Variants in TEX9 observed in about 807,000 individuals in gnomAD.
TEX9 encodes testis-expressed protein 9.
A neutral mutation model predicts 59.6 loss-of-function variants in TEX9; 74 were observed. That is an observed-to-expected ratio of 1.24 (90% confidence interval 1.03 to 1.51). The LOEUF (loss-of-function observed/expected upper bound fraction) is 1.51, where lower values mean the gene tolerates loss of function less well. Among genes scored for constraint, TEX9 ranks in the 40% most tolerant of loss-of-function variants. The pLI, the probability that TEX9 is intolerant of heterozygous loss-of-function variation, is 0.00. For missense variants in TEX9, 522 were observed against 447.8 expected (o/e 1.17, Z -1.49); for synonymous variants, 186 against 152.2 (o/e 1.22, Z -1.64).
chr15:56,427,196 G>GTA, intron 10 of TEX9, among the ~76,000 whole-genome samples: 1 of 151,990 alleles, frequency 6.6e-6, no homozygotes, highest in East Asian at 1.9e-4. Flanking sequence ...ATCTCAACCA[G>GTA]TATTTCTGCT....
intron 3 of TEX9, among the ~76,000 whole-genome samples, chr15:56,376,833 A>G (rs1025464636): frequency 3.9e-5 from 6 of 152,120 alleles, no homozygotes; most frequent in Admixed American, 1.3e-4. Flanking sequence ...GTCTACTCCA[A>G]TGTCCTGGAG....
At chr15:56,454,959 G>T in the TEX9 span, among the ~76,000 whole-genome samples, 1 of 152,012 alleles carries the variant, frequency 6.6e-6, no homozygotes, top group Non-Finnish European at 1.5e-5. Context: ...CTTGTAGAAC[G>T]CTGTTGAACA....
At chr15:56,374,500 TG>T (rs1281557554) in intron 3 of TEX9, 1 of 152,166 alleles carries the variant, frequency 6.6e-6, no homozygotes, top group East Asian at 1.9e-4. Flanking sequence ...TCATGGAAAA[TG>T]GGGTATCCAT....
At chr15:56,349,888 T>C (rs1410329460) in intron 1 of TEX9, among the ~76,000 whole-genome samples, 2 of 152,088 alleles carry the variant, frequency 1.3e-5, no homozygotes, top group Non-Finnish European at 2.9e-5. Context: ...TACCAGAAGT[T>C]GAACCTCATT....
chr15:56,443,125 T>A (rs1390299564), intron 12 of TEX9, among the ~76,000 whole-genome samples: 3 of 152,180 alleles, frequency 2.0e-5, no homozygotes, highest in Admixed American at 6.5e-5. Context: ...AACCTACTTT[T>A]GACTAGTGTC....
chr15:56,324,286 T>C (rs1170365852), intron 1 of TEX9, among the ~76,000 whole-genome samples: 1 of 152,236 alleles, frequency 6.6e-6, no homozygotes, highest in Non-Finnish European at 1.5e-5. Flanking sequence ...TCTTGTCCTT[T>C]TGGAAGTAGT....
chr15:56,338,318 G>A (rs1362585804), intron 1 of TEX9, among the ~76,000 whole-genome samples: 1 of 152,150 alleles, frequency 6.6e-6, no homozygotes, highest in Non-Finnish European at 1.5e-5. Context: ...GACTTAAGAT[G>A]CCAAGCCTAT....
intron 12 of TEX9, chr15:56,443,624 G>T: frequency 1.2e-6 from 2 of 1,606,378 alleles, no homozygotes; most frequent in Non-Finnish European, 1.7e-6. Flanking sequence ...TTAAAGAAGT[G>T]GTTATTTTAA....
intron 1 of TEX9, among the ~76,000 whole-genome samples, chr15:56,298,452 G>C (rs1488985630): frequency 1.3e-5 from 2 of 152,174 alleles, no homozygotes; most frequent in African/African-American, 4.8e-5. Flanking sequence ...TATGTAGGAA[G>C]TATAGACTTG....
Position 56,436,973 on chromosome 15 carries a change from C to T in TEX9, c.*29+8500C>T, listed in dbSNP as rs1389839272. Among the ~76,000 whole-genome samples the T allele has an allele frequency of 2.6e-5, 4 of 152,014 alleles. 1 individual carries two copies. On this transcript the variant is annotated intron_variant, in intron 12 of 12. Coordinates refer to ENST00000352903, the Ensembl canonical transcript of TEX9. The stretch of plus-strand genomic sequence containing the variant: ...GAGGCAATAATTAATAGCCTACCAA[C>T]CAAAAAAAGTCCAGGACCAGATGGA...
At chr15:56,345,925 T>C (rs1300452278) in intron 1 of TEX9, among the ~76,000 whole-genome samples, 1 of 152,156 alleles carries the variant, frequency 6.6e-6, no homozygotes, top group Non-Finnish European at 1.5e-5. Context: ...ATCCTTCTGA[T>C]TCATAATATG....
chr15:56,250,771 A>C (rs1330145464), intron 1 of TEX9, among the ~76,000 whole-genome samples: 1 of 152,176 alleles, frequency 6.6e-6, no homozygotes, highest in Non-Finnish European at 1.5e-5. Flanking sequence ...GAAAAAAAAA[A>C]ACAAAATAAT....
At chr15:56,434,048 TA>T in intron 12 of TEX9, 1 of 1,374,876 alleles carries the variant, frequency 7.3e-7, no homozygotes. Context: ...GTCTGGCATA[TA>T]AAGCTTCTCA....
intron 1 of TEX9, among the ~76,000 whole-genome samples, chr15:56,319,463 C>T (rs1465966220): frequency 6.6e-6 from 1 of 151,940 alleles, no homozygotes; most frequent in Admixed American, 6.6e-5. Context: ...ACTTAGAGTA[C>T]AGAGTATGCA....
upstream of TEX9, among the ~76,000 whole-genome samples, chr15:56,362,519 GTAAA>G (rs767008972): frequency 2.0e-5 from 3 of 152,078 alleles, no homozygotes; most frequent in East Asian, 1.9e-4. Flanking sequence ...CCTCGATGTT[GTAAA>G]TAGTTTATTT....
chr15:56,449,496 C>A (rs1316747592), downstream of TEX9, among the ~76,000 whole-genome samples: 1 of 152,144 alleles, frequency 6.6e-6, no homozygotes, highest in African/African-American at 2.4e-5. Flanking sequence ...CACTGGATTT[C>A]GTATTGACTA....
At chr15:56,426,587 G>GTATATATATATA (rs1320230912) in intron 10 of TEX9, among the ~76,000 whole-genome samples, 5 of 8,212 alleles carry the variant, frequency 6.1e-4, no homozygotes, top group Non-Finnish European at 1.1e-3. Context: ...TTTTGAAAAG[G>GTATATATATATA]TGTATATATA....
At chr15:56,350,099 A>G (rs1010202035) in intron 1 of TEX9, among the ~76,000 whole-genome samples, 1 of 151,958 alleles carries the variant, frequency 6.6e-6, no homozygotes, top group East Asian at 1.9e-4. Flanking sequence ...TTATGTGTAT[A>G]TTTCTTTTTC....
chr15:56,315,970 C>G (rs374130413), intron 1 of TEX9, among the ~76,000 whole-genome samples: 1 of 151,692 alleles, frequency 6.6e-6, no homozygotes, highest in Non-Finnish European at 1.5e-5. Context: ...GCATTCTTCA[C>G]GTAGCTCTCG....
Sources: gnomAD v4.1 joint callset for allele counts (sites outside exome capture counted in the v4.1 genomes callset) on GRCh38, gnomAD v4.1.1 for gene constraint, MANE v1.5 for transcripts, NCBI Gene and HGNC (gene_info 2026-07-23, HGNC 2026-07-21) for gene names.